SUGCT: variants seen among roughly 807,000 people sequenced by gnomAD.
SUGCT encodes succinyl-CoA:glutarate-CoA transferase, also known as succinyl-CoA:glutarate CoA-transferase.
SUGCT carries 41 observed loss-of-function variants against 55.0 expected under a neutral mutation model. The ratio of observed to expected loss-of-function variants is 0.74; its 90% confidence interval spans 0.58 to 0.97. SUGCT has a LOEUF of 0.97. Ranked by LOEUF, SUGCT falls within the 50% of genes least tolerant of loss-of-function variation. The pLI is 0.00. For missense variants in SUGCT, 568 were observed against 547.8 expected (o/e 1.04, Z -0.37); for synonymous variants, 187 against 200.4 (o/e 0.93, Z 0.56).
At chr7:40,657,662 G>A (rs1429303081) in intron 12 of SUGCT, among the ~76,000 whole-genome samples, 1 of 151,670 alleles carries the variant, frequency 6.6e-6, no homozygotes, top group African/African-American at 2.4e-5. Context: ...AGCCTCCCAA[G>A]TAGCTGGGAT....
rs906276722 is a variant in SUGCT, at chr7:40,430,490, T to G, written c.817-18797T>G. Among the ~76,000 whole-genome samples, 5 of 152,304 alleles carry G rather than the reference T, an allele frequency of 3.3e-5. No homozygotes were observed. In the East Asian group the frequency reaches 9.7e-4, roughly 29 times the overall value. ...TCTTTAGAGAAATACCTGTTCAAGC[T>G]TTTTGCCTTCTAAAAATCAGGTTGT... On this transcript the variant is annotated intron_variant, in intron 9 of 13. Transcript: ENST00000335693.
the SUGCT span, among the ~76,000 whole-genome samples, chr7:40,873,008 C>T: frequency 6.6e-6 from 1 of 152,148 alleles, no homozygotes; most frequent in Non-Finnish European, 1.5e-5. Context: ...CGGAACCCGG[C>T]TGATCCCTTG....
At chr7:40,724,402 A>G (rs952803494) in intron 12 of SUGCT, among the ~76,000 whole-genome samples, 11 of 130,462 alleles carry the variant, frequency 8.4e-5, no homozygotes, top group African/African-American at 4.3e-4. Context: ...CTTCTGTACT[A>G]AAAATACAAA....
intron 6 of SUGCT, among the ~76,000 whole-genome samples, chr7:40,227,042 TC>T (rs1788413814): frequency 8.7e-6 from 1 of 114,756 alleles, no homozygotes; most frequent in African/African-American, 2.7e-5. Context: ...GTTTAATAGA[TC>T]TTTTTTTTTT....
chr7:40,156,357 G>A (rs551869554), intron 1 of SUGCT, among the ~76,000 whole-genome samples: 1 of 152,196 alleles, frequency 6.6e-6, no homozygotes, highest in East Asian at 2.0e-4. Flanking sequence ...CAGCTACTCA[G>A]GAGGCTGAGG....
chr7:40,749,546 C>T (rs1245251232), intron 13 of SUGCT, 49 bp downstream of exon 13: 1 of 1,449,194 alleles, frequency 6.9e-7, no homozygotes, highest in Non-Finnish European at 9.7e-7. Context: ...TATTAATTGT[C>T]CCATATGCTG....
In SUGCT at chr7:40,399,851, A is replaced by T. The variant is rs577376899; in HGVS notation, c.817-49436A>T. Reference sequence around the variant, plus strand: ...AAAAATGGTTTAGTGTTTCACCATTATAATGGTAGTTGTAGGGTTTTTTTA... The same window carrying T: ...AAAAATGGTTTAGTGTTTCACCATTTTAATGGTAGTTGTAGGGTTTTTTTA... On this transcript the variant is annotated intron_variant, in intron 9 of 13. Coordinates refer to ENST00000335693, the MANE Select transcript of SUGCT (RefSeq NM_001193313.2). 1.3e-4 allele frequency among the ~76,000 whole-genome samples: 20 copies of T among 152,274 alleles called. No homozygotes were observed. The East Asian group carries it at 3.3e-3, about 25-fold the overall frequency.
At chr7:40,980,114 T>G in the SUGCT span, among the ~76,000 whole-genome samples, 1 of 152,150 alleles carries the variant, frequency 6.6e-6, no homozygotes, top group African/African-American at 2.4e-5. Flanking sequence ...CAAATTGCTG[T>G]GTCCTTACAT....
At chr7:40,454,118 C>G (rs1002286962) in intron 10 of SUGCT, among the ~76,000 whole-genome samples, 35 of 152,162 alleles carry the variant, frequency 2.3e-4, no homozygotes, top group African/African-American at 8.4e-4. Context: ...AGAGAGAGAA[C>G]AAAAGATAGC....
intron 8 of SUGCT, among the ~76,000 whole-genome samples, chr7:40,292,410 C>G (rs1404903482): frequency 6.6e-6 from 1 of 152,056 alleles, no homozygotes; most frequent in Non-Finnish European, 1.5e-5. Flanking sequence ...GAAACTGAAC[C>G]ACACTTACAG....
chr7:40,499,140 G>C (rs746901286), intron 12 of SUGCT: 2 of 456,556 alleles, frequency 4.4e-6, no homozygotes, highest in South Asian at 3.1e-5. Flanking sequence ...CTCCATGTGC[G>C]CTGTGCCAGC....
At chr7:41,008,060 G>T in the SUGCT span, among the ~76,000 whole-genome samples, 3 of 152,138 alleles carry the variant, frequency 2.0e-5, no homozygotes, top group South Asian at 2.1e-4. Flanking sequence ...AAAGAGGGTG[G>T]GGGGCAAAAT....
At chr7:40,851,645 A>G (rs1793858816) in intron 13 of SUGCT, among the ~76,000 whole-genome samples, 1 of 152,224 alleles carries the variant, frequency 6.6e-6, no homozygotes, top group Non-Finnish European at 1.5e-5. Flanking sequence ...GTTCACCCAC[A>G]GCCCTTGCTT....
intron 13 of SUGCT, among the ~76,000 whole-genome samples, chr7:40,838,645 T>G (rs1218774842): frequency 6.6e-6 from 1 of 152,208 alleles, no homozygotes; most frequent in Non-Finnish European, 1.5e-5. Context: ...GTTTGTTTGC[T>G]TTATAGATTA....
Position 40,729,996 on chromosome 7 carries a change from C to T in SUGCT, c.1090-19438C>T, listed in dbSNP as rs1004736080. Among the ~76,000 whole-genome samples the T allele has an allele frequency of 8.5e-5, 13 of 152,252 alleles. 1 individual carries two copies. Among genetic ancestry groups the T allele is most frequent in the Middle Eastern group, 6.8e-3 (2 of 294 alleles). Reference sequence around the variant, plus strand: ...CTGTGCAAGCCAGGGAAAATATAAACGGTGCCCTTGGGCTGCTTGGCTCGG... The same window carrying T: ...CTGTGCAAGCCAGGGAAAATATAAATGGTGCCCTTGGGCTGCTTGGCTCGG... On this transcript the variant is annotated intron_variant, in intron 12 of 13. Coordinates refer to ENST00000335693, the MANE Select transcript of SUGCT (RefSeq NM_001193313.2).
chr7:40,217,730 C>G (rs2150814447), intron 6 of SUGCT, among the ~76,000 whole-genome samples: 1 of 152,296 alleles, frequency 6.6e-6, no homozygotes, highest in African/African-American at 2.4e-5. Context: ...TGTTGTTTGA[C>G]ATGCAGTCTA....
At chr7:40,674,926 T>G (rs1450376525) in intron 12 of SUGCT, among the ~76,000 whole-genome samples, 1 of 152,120 alleles carries the variant, frequency 6.6e-6, no homozygotes, top group Non-Finnish European at 1.5e-5. Flanking sequence ...GGAAAGTTTT[T>G]GATTGAACCT....
chr7:40,777,385 G>A (rs555420446), intron 13 of SUGCT, among the ~76,000 whole-genome samples: 3 of 151,718 alleles, frequency 2.0e-5, no homozygotes, highest in African/African-American at 7.3e-5. Flanking sequence ...ATTGTAGTAG[G>A]GTAAAAAGAC....
In SUGCT at chr7:40,784,081, C is replaced by T. The variant is rs796237176; in HGVS notation, c.1153+34584C>T. On this transcript the variant is annotated intron_variant, in intron 13 of 13. Transcript: ENST00000335693. ...GAAAAGCCTTTTACAGCTTCTGGAT[C>T]TTTCTATCCCTGAGTATGATACCTT... 6.6e-5 allele frequency among the ~76,000 whole-genome samples: 10 copies of T among 152,210 alleles called. 1 individual carries two copies. The highest frequency in any genetic ancestry group is 2.4e-4 in the African/African-American group (10 of 41,536).
Sources: gnomAD v4.1 joint callset for allele counts (sites outside exome capture counted in the v4.1 genomes callset) on GRCh38, gnomAD v4.1.1 for gene constraint, MANE v1.5 for transcripts, NCBI Gene and HGNC (gene_info 2026-07-23, HGNC 2026-07-21) for gene names.